XKR9: variants seen among roughly 807,000 people sequenced by gnomAD.
The protein encoded by XKR9 is XK related 9.
In XKR9, 32 loss-of-function variants were observed where a neutral mutation model predicts 32.0. The ratio of observed to expected loss-of-function variants is 1.00; its 90% confidence interval spans 0.76 to 1.34. The LOEUF (loss-of-function observed/expected upper bound fraction) is 1.34. Among genes scored for constraint, XKR9 ranks in the 40% most tolerant of loss-of-function variants. XKR9 has a pLI of 0.00. For synonymous variants in XKR9, 168 were observed against 143.4 expected, an observed-to-expected ratio of 1.17 and a Z score of -1.22; for missense variants, 546 against 429.7, an observed-to-expected ratio of 1.27 and a Z score of -2.39.
intron 4 of XKR9, among the ~76,000 whole-genome samples, chr8:70,728,042 C>A (rs1183286505): frequency 1.3e-5 from 2 of 152,050 alleles, no homozygotes; most frequent in Non-Finnish European, 2.9e-5. Flanking sequence ...AATCTCCAGG[C>A]AAGAAAGAGG....
At chr8:70,830,767 C>T in the XKR9 span, among the ~76,000 whole-genome samples, 6 of 152,152 alleles carry the variant, frequency 3.9e-5, no homozygotes, top group Non-Finnish European at 8.8e-5. Context: ...TGTCTCACAA[C>T]TACCTTATGA....
At chr8:70,817,531 C>A in the XKR9 span, among the ~76,000 whole-genome samples, 2 of 152,200 alleles carry the variant, frequency 1.3e-5, no homozygotes, top group South Asian at 4.1e-4. Flanking sequence ...GAATCAATAT[C>A]ATTGAAATGA....
the XKR9 span, among the ~76,000 whole-genome samples, chr8:70,884,501 G>C: frequency 1.3e-5 from 2 of 152,054 alleles, no homozygotes; most frequent in Non-Finnish European, 2.9e-5. Context: ...CAATTTTATA[G>C]TTTTGCATTT....
the XKR9 span, among the ~76,000 whole-genome samples, chr8:70,795,710 G>C: frequency 6.6e-6 from 1 of 151,916 alleles, no homozygotes; most frequent in South Asian, 2.1e-4. Context: ...CTGTGGTTTT[G>C]ATTTGCATTT....
chr8:70,864,405 G>GT, the XKR9 span, among the ~76,000 whole-genome samples: 1 of 152,126 alleles, frequency 6.6e-6, no homozygotes, highest in Non-Finnish European at 1.5e-5. Context: ...TATGAGCATT[G>GT]TATTATAGAA....
the XKR9 span, among the ~76,000 whole-genome samples, chr8:70,831,290 C>T: frequency 9.6e-6 from 1 of 104,402 alleles, no homozygotes; most frequent in Admixed American, 9.6e-5. Flanking sequence ...GACTCTGTCT[C>T]AAAAAAAAAA....
chr8:70,905,262 A>C, the XKR9 span, among the ~76,000 whole-genome samples: 1 of 152,206 alleles, frequency 6.6e-6, no homozygotes, highest in Non-Finnish European at 1.5e-5. Flanking sequence ...TACACCAATC[A>C]GATGTAGATT....
the XKR9 span, among the ~76,000 whole-genome samples, chr8:70,888,839 C>T: frequency 6.6e-6 from 1 of 151,920 alleles, no homozygotes; most frequent in Non-Finnish European, 1.5e-5. Context: ...CAATACCATG[C>T]TGTCTTTGTT....
At chr8:70,930,543 A>G in the XKR9 span, among the ~76,000 whole-genome samples, 2 of 152,232 alleles carry the variant, frequency 1.3e-5, no homozygotes, top group Non-Finnish European at 2.9e-5. Context: ...AAGTGATATC[A>G]GGCTGTGTTA....
intron 2 of XKR9, among the ~76,000 whole-genome samples, chr8:70,755,782 G>A (rs1335009173): frequency 8.1e-6 from 1 of 122,854 alleles, no homozygotes; most frequent in African/African-American, 3.0e-5. Context: ...GGGGGGGAGG[G>A]TTAGCATTAG....
At chr8:70,943,752 G>A in the XKR9 span, among the ~76,000 whole-genome samples, 1 of 151,992 alleles carries the variant, frequency 6.6e-6, no homozygotes, top group South Asian at 2.1e-4. Flanking sequence ...TCTAGATAAA[G>A]ACTTATGAAA....
At chr8:70,739,547 A>G (rs1387589555), downstream of XKR9, among the ~76,000 whole-genome samples, 1 of 152,126 alleles carries the variant, frequency 6.6e-6, no homozygotes, top group Non-Finnish European at 1.5e-5. Context: ...TAGTTGATGC[A>G]GTTTCTTCCT....
chr8:70,684,704 CAAAAG>C (rs1276481519), intron 3 of XKR9, among the ~76,000 whole-genome samples: 1 of 147,500 alleles, frequency 6.8e-6, no homozygotes, highest in Non-Finnish European at 1.5e-5. Flanking sequence ...AGACACGTCT[CAAAAG>C]AAGACATTTA....
chr8:70,910,534 C>G, the XKR9 span, among the ~76,000 whole-genome samples: 1 of 152,054 alleles, frequency 6.6e-6, no homozygotes, highest in African/African-American at 2.4e-5. Flanking sequence ...TTATTAGAAC[C>G]CTATTACAAA....
intron 2 of XKR9, among the ~76,000 whole-genome samples, chr8:70,751,550 C>G (rs1807141298): frequency 6.6e-6 from 1 of 152,126 alleles, no homozygotes; most frequent in Non-Finnish European, 1.5e-5. Flanking sequence ...AATCAGTGGA[C>G]TAAGTAAGGA....
At chr8:70,970,399 A>G in the XKR9 span, among the ~76,000 whole-genome samples, 1 of 152,040 alleles carries the variant, frequency 6.6e-6, no homozygotes, top group African/African-American at 2.4e-5. Flanking sequence ...TACACATGTC[A>G]TGGTGGTTTG....
At chr8:70,751,808 C>A (rs1231277756) in intron 2 of XKR9, among the ~76,000 whole-genome samples, 1 of 152,150 alleles carries the variant, frequency 6.6e-6, no homozygotes, top group Non-Finnish European at 1.5e-5. Flanking sequence ...GTTATACCAT[C>A]AGTTTCCCTT....
At chr8:70,809,887 C>A in the XKR9 span, among the ~76,000 whole-genome samples, 1 of 152,222 alleles carries the variant, frequency 6.6e-6, no homozygotes, top group Non-Finnish European at 1.5e-5. Context: ...TCCAGGAGAA[C>A]TTCCCCAATC....
At chr8:70,687,341 T>TCTTTCTTTCTTTCTCTCTTTC (rs1819326450) in intron 3 of XKR9, among the ~76,000 whole-genome samples, 6 of 149,716 alleles carry the variant, frequency 4.0e-5, no homozygotes, top group African/African-American at 1.5e-4. Flanking sequence ...TTTCTTTCTT[T>TCTTTCTTTCTTTCTCTCTTTC]CTTTCTTTCT....
Sources: gnomAD v4.1 joint callset for allele counts (sites outside exome capture counted in the v4.1 genomes callset) on GRCh38, gnomAD v4.1.1 for gene constraint, MANE v1.5 for transcripts, NCBI Gene and HGNC (gene_info 2026-07-23, HGNC 2026-07-21) for gene names.